Variants in CLCN5 observed in about 807,000 individuals in gnomAD.
The protein encoded by CLCN5 is H(+)/Cl(-) exchange transporter 5.
In CLCN5, 17 loss-of-function variants were observed where a neutral mutation model predicts 54.0. The ratio of observed to expected loss-of-function variants is 0.31; its 90% CI spans 0.22 to 0.47. CLCN5 has a LOEUF of 0.47. Among genes scored for constraint, CLCN5 ranks in the 20% least tolerant of loss-of-function variants. CLCN5 has a pLI of 1.00. For synonymous variants in CLCN5, 222 were observed against 233.0 expected (o/e 0.95, Z 0.43); for missense variants, 448 against 646.7 (o/e 0.69, Z 3.33).
intron 3 of CLCN5, among the ~76,000 whole-genome samples, chrX:49,995,653 A>G (rs1307785713): frequency 4.5e-5 from 5 of 112,231 alleles, no homozygotes; most frequent in African/African-American, 1.6e-4. Context: ...CAATCTACCA[A>G]ATGGTAAGAC....
chrX:50,040,177 G>A (rs1282947580), intron 3 of CLCN5, among the ~76,000 whole-genome samples: 1 of 111,735 alleles, frequency 8.9e-6, no homozygotes, highest in Admixed American at 9.5e-5. Flanking sequence ...TTTACTGAGG[G>A]AGTCCTCTCC....
At chrX:50,048,050 A>G in intron 4 of CLCN5, among the ~76,000 whole-genome samples, 1 of 112,320 alleles carries the variant, frequency 8.9e-6, no homozygotes, top group Non-Finnish European at 1.9e-5. Context: ...CACCAGGGAC[A>G]GGGACCAGTT....
At chrX:49,951,691 G>A (rs1557173010) in intron 3 of CLCN5, among the ~76,000 whole-genome samples, 1 of 112,042 alleles carries the variant, frequency 8.9e-6, no homozygotes, top group African/African-American at 3.2e-5. Context: ...ATTTGAGCTG[G>A]TTGGAGAAAG....
intron 4 of CLCN5, among the ~76,000 whole-genome samples, chrX:50,063,912 A>G (rs1602103120): frequency 9.0e-6 from 1 of 110,742 alleles, no homozygotes; most frequent in Admixed American, 9.6e-5. Context: ...CAAAAACCAT[A>G]TGATTATCTC....
At chrX:50,038,763 T>A (rs1932099210) in intron 3 of CLCN5, among the ~76,000 whole-genome samples, 1 of 112,110 alleles carries the variant, frequency 8.9e-6, no homozygotes, top group African/African-American at 3.2e-5. Context: ...CATAGAAATG[T>A]TACTGGTTTG....
At chrX:50,079,387 A>G (rs1933580256) in intron 7 of CLCN5, among the ~76,000 whole-genome samples, 1 of 111,968 alleles carries the variant, frequency 8.9e-6, no homozygotes, top group Non-Finnish European at 1.9e-5. Context: ...TCAAAAGTCC[A>G]TTGGGTTTTG....
At chrX:49,957,183 C>A (rs1333765728) in intron 3 of CLCN5, among the ~76,000 whole-genome samples, 2 of 111,044 alleles carry the variant, frequency 1.8e-5, no homozygotes, top group African/African-American at 3.3e-5. Context: ...TCCTGTAATC[C>A]CAGCTACTCG....
At chrX:50,066,308 A>G (rs1312174088) in intron 4 of CLCN5, among the ~76,000 whole-genome samples, 4 of 111,063 alleles carry the variant, frequency 3.6e-5, no homozygotes, top group Non-Finnish European at 7.5e-5. Flanking sequence ...TTCATTTTCA[A>G]TCCTCCTCCT....
At chrX:49,984,648 C>T (rs1171514401) in intron 3 of CLCN5, among the ~76,000 whole-genome samples, 1 of 108,610 alleles carries the variant, frequency 9.2e-6, no homozygotes, top group Non-Finnish European at 1.9e-5. Context: ...CACTCTGTTG[C>T]CCAGAGTGGA....
At chrX:49,939,181 C>T (rs1437828551) in intron 3 of CLCN5, among the ~76,000 whole-genome samples, 1 of 111,656 alleles carries the variant, frequency 9.0e-6, no homozygotes, top group Non-Finnish European at 1.9e-5. Context: ...CACTTTTACA[C>T]TGTTGGTGGG....
Position 50,090,519 on chromosome X carries a change from G to C in CLCN5, c.2143+5G>C. On this transcript the variant is annotated splice_donor_5th_base_variant and intron_variant, in intron 13 of 14. Transcript: ENST00000376091. Reference sequence around the variant, plus strand: ...GAGATCTCATTATTTCAATTGGTAAGGATTTCAGAAAGGGGATAGTGGAAT... The same window carrying C: ...GAGATCTCATTATTTCAATTGGTAACGATTTCAGAAAGGGGATAGTGGAAT... 1 of 1,203,086 alleles carries C rather than the reference G, an allele frequency of 8.3e-7. No homozygotes were observed. Among genetic ancestry groups the C allele is most frequent in the Non-Finnish European group, 1.1e-6 (1 of 890,659 alleles).
chrX:50,019,619 C>G (rs1557184112), intron 3 of CLCN5, among the ~76,000 whole-genome samples: 1 of 47,329 alleles, frequency 2.1e-5, no homozygotes, highest in African/African-American at 8.4e-5. Context: ...CAATGCTATC[C>G]CTCCCCCCTC....
chrX:50,046,070 C>T (rs1333777666), intron 4 of CLCN5, among the ~76,000 whole-genome samples: 1 of 112,183 alleles, frequency 8.9e-6, no homozygotes, highest in Non-Finnish European at 1.9e-5. Context: ...TTATGCATGG[C>T]ATGGTTAAAT....
chrX:49,927,938 T>C (rs1031052475), intron 3 of CLCN5, among the ~76,000 whole-genome samples: 2 of 112,139 alleles, frequency 1.8e-5, no homozygotes, highest in Admixed American at 1.9e-4. Context: ...CTCACTCATA[T>C]GTGGGAGTTA....
At chrX:50,086,994 C>T (rs913008576) in intron 11 of CLCN5, 124 bp downstream of exon 11, 35 of 649,673 alleles carry the variant, frequency 5.4e-5, no homozygotes, top group Non-Finnish European at 8.0e-5. Flanking sequence ...ACATTATTCC[C>T]CCACCCCCAA....
Position 50,092,266 on chromosome X carries a change from G to T in CLCN5, c.*47G>T. 1 of 914,664 alleles carries T rather than the reference G, an allele frequency of 1.1e-6. No individual in the cohort carries two copies. The highest frequency in any genetic ancestry group is 1.6e-6 in the Non-Finnish European group (1 of 626,097). 75.4% of individuals were successfully genotyped at this position (914,664 alleles called of 1,213,427 possible). On this transcript the variant is annotated 3_prime_UTR_variant, in exon 15 of 15. Transcript: ENST00000376091. ...AAGCGGGAAGGACATTACAGACCAT[G>T]GATATGTTGTATTAACTGGGTACCC...
chrX:50,003,275 G>A (rs1036160268), intron 3 of CLCN5: 1 of 368,583 alleles, frequency 2.7e-6, no homozygotes, highest in Non-Finnish European at 5.4e-6. Flanking sequence ...TGAGCACATG[G>A]ACAGGTACAC....
At chrX:49,941,392 A>G (rs782220384) in intron 3 of CLCN5, among the ~76,000 whole-genome samples, 2 of 111,568 alleles carry the variant, frequency 1.8e-5, no homozygotes, top group Non-Finnish European at 3.8e-5. Context: ...TCTTGACCTC[A>G]GTCAACTCAG....
At chrX:49,966,706 G>A (rs1241387299) in intron 3 of CLCN5, among the ~76,000 whole-genome samples, 1 of 28,097 alleles carries the variant, frequency 3.6e-5, no homozygotes, top group East Asian at 1.4e-3. Flanking sequence ...ATGCTGGTGC[G>A]CTGCACCCAC....
Sources: gnomAD v4.1 joint callset for allele counts (sites outside exome capture counted in the v4.1 genomes callset) on GRCh38, gnomAD v4.1.1 for gene constraint, MANE v1.5 for transcripts, NCBI Gene and HGNC (gene_info 2026-07-23, HGNC 2026-07-21) for gene names.